The following SHISA9 variants were observed in gnomAD, a reference collection of about 807,000 sequenced individuals.
SHISA9 encodes protein shisa-9.
Under a neutral mutation model 38.0 loss-of-function variants are expected in SHISA9, and 13 were observed. The ratio of observed to expected loss-of-function variants is 0.34; its 90% CI spans 0.22 to 0.54. SHISA9 has a LOEUF of 0.54. Among genes scored for constraint, SHISA9 ranks in the 20% least tolerant of loss-of-function variants. SHISA9 has a pLI of 0.91. For missense variants in SHISA9, 538 were observed against 575.8 expected (o/e 0.93, Z 0.67); for synonymous variants, 275 against 242.0 (o/e 1.14, Z -1.27).
At chr16:13,369,929 C>T in the SHISA9 span, among the ~76,000 whole-genome samples, 1 of 151,986 alleles carries the variant, frequency 6.6e-6, no homozygotes, top group Non-Finnish European at 1.5e-5. Context: ...CTGGCCTAGG[C>T]ATCTAATTTA....
chr16:13,538,944 A>T, the SHISA9 span, among the ~76,000 whole-genome samples: 1 of 152,194 alleles, frequency 6.6e-6, no homozygotes, highest in East Asian at 1.9e-4. Context: ...AAGGATGTAG[A>T]TTCATGTTGA....
the SHISA9 span, among the ~76,000 whole-genome samples, chr16:13,420,275 G>GAAAAAA: frequency 1.5e-5 from 1 of 67,698 alleles, no homozygotes; most frequent in African/African-American, 5.1e-5. Context: ...AAAAAAAAAG[G>GAAAAAA]TTTTTTGCTC....
chr16:13,207,138 C>T (rs776301985), intron 3 of SHISA9, among the ~76,000 whole-genome samples: 4 of 152,198 alleles, frequency 2.6e-5, no homozygotes, highest in Non-Finnish European at 4.4e-5. Context: ...GTGGCAGGCA[C>T]CTGTAATCCC....
At chr16:13,308,406 C>G in the SHISA9 span, among the ~76,000 whole-genome samples, 1 of 152,184 alleles carries the variant, frequency 6.6e-6, no homozygotes, top group East Asian at 1.9e-4. Flanking sequence ...CTTTCTCTGT[C>G]TCTCATAACC....
intron 2 of SHISA9, among the ~76,000 whole-genome samples, chr16:13,099,844 T>C (rs983867323): frequency 1.3e-4 from 20 of 152,216 alleles, no homozygotes; most frequent in African/African-American, 4.6e-4. Flanking sequence ...AGTTATACTT[T>C]ACAAATCCCA....
chr16:13,552,164 GA>G, the SHISA9 span, among the ~76,000 whole-genome samples: 4 of 152,206 alleles, frequency 2.6e-5, no homozygotes, highest in Admixed American at 6.5e-5. Context: ...GGCTTCTCCA[GA>G]ATGAGAGGTC....
chr16:13,070,221 C>T (rs575109260), intron 2 of SHISA9, among the ~76,000 whole-genome samples: 1 of 151,836 alleles, frequency 6.6e-6, no homozygotes, highest in Admixed American at 6.6e-5. Flanking sequence ...TCCTCCCATC[C>T]TTTTCCATTT....
intron 2 of SHISA9, among the ~76,000 whole-genome samples, chr16:12,942,516 G>T (rs2071624674): frequency 6.6e-6 from 1 of 152,176 alleles, no homozygotes; most frequent in Non-Finnish European, 1.5e-5. Flanking sequence ...TCCCATTATT[G>T]AATTCGCTGC....
At chr16:13,037,210 A>G (rs2073085036) in intron 2 of SHISA9, among the ~76,000 whole-genome samples, 1 of 151,022 alleles carries the variant, frequency 6.6e-6, no homozygotes, top group Non-Finnish European at 1.5e-5. Context: ...TTCTTGTGTA[A>G]TGGTGTTTTG....
chr16:13,277,625 G>A, the SHISA9 span, among the ~76,000 whole-genome samples: 9 of 151,346 alleles, frequency 5.9e-5, no homozygotes, highest in African/African-American at 1.9e-4. Flanking sequence ...CCTTGTAGAG[G>A]TTTTCGGACT....
chr16:12,978,313 A>T (rs1040316330), intron 2 of SHISA9, among the ~76,000 whole-genome samples: 1 of 152,230 alleles, frequency 6.6e-6, no homozygotes, highest in Non-Finnish European at 1.5e-5. Flanking sequence ...AAGAATTTTC[A>T]TAAGTGCAGC....
the SHISA9 span, among the ~76,000 whole-genome samples, chr16:13,440,319 A>G: frequency 6.6e-6 from 1 of 152,174 alleles, no homozygotes; most frequent in African/African-American, 2.4e-5. Context: ...TCTGCAATAG[A>G]GCCTCATCTG....
At chr16:13,042,268 G>C (rs945146640) in intron 2 of SHISA9, among the ~76,000 whole-genome samples, 5 of 152,314 alleles carry the variant, frequency 3.3e-5, no homozygotes, top group South Asian at 2.1e-4. Context: ...GAAGGCACTC[G>C]TTACCTGCCC....
intron 2 of SHISA9, among the ~76,000 whole-genome samples, chr16:13,088,429 A>G (rs918166671): frequency 2.6e-5 from 4 of 152,184 alleles, no homozygotes; most frequent in Admixed American, 2.0e-4. Flanking sequence ...CACGATATTG[A>G]TTCTTCCTAT....
chr16:13,526,415 G>T, the SHISA9 span, among the ~76,000 whole-genome samples: 2 of 152,094 alleles, frequency 1.3e-5, no homozygotes, highest in East Asian at 3.9e-4. Context: ...ACAGAGTCTT[G>T]CTCTGTTGCC....
chr16:12,991,987 A>C (rs2072392763), intron 2 of SHISA9, among the ~76,000 whole-genome samples: 1 of 152,234 alleles, frequency 6.6e-6, no homozygotes, highest in Admixed American at 6.5e-5. Context: ...AACTTGCCTC[A>C]GTGTCTAGAA....
the SHISA9 span, among the ~76,000 whole-genome samples, chr16:13,371,113 T>G: frequency 6.6e-6 from 1 of 152,116 alleles, no homozygotes; most frequent in African/African-American, 2.4e-5. Flanking sequence ...ATTTAATTAA[T>G]CCCCAAAATA....
At chr16:13,480,241 C>T in the SHISA9 span, among the ~76,000 whole-genome samples, 1 of 152,110 alleles carries the variant, frequency 6.6e-6, no homozygotes. Context: ...TTTTTATTCT[C>T]TCTTTTCTCA....
chr16:13,454,499 A>G, the SHISA9 span, among the ~76,000 whole-genome samples: 1 of 152,180 alleles, frequency 6.6e-6, no homozygotes, highest in Non-Finnish European at 1.5e-5. Context: ...AAATTCACCT[A>G]TCTCTCACAA....
Sources: gnomAD v4.1 joint callset for allele counts (sites outside exome capture counted in the v4.1 genomes callset) on GRCh38, gnomAD v4.1.1 for gene constraint, MANE v1.5 for transcripts, NCBI Gene and HGNC (gene_info 2026-07-23, HGNC 2026-07-21) for gene names.